The following PGLYRP3 variants were observed in gnomAD, a reference collection of about 807,000 sequenced individuals.
The protein encoded by PGLYRP3 is peptidoglycan recognition protein 3, also known as peptidoglycan recognition protein I alpha.
Under a neutral mutation model 36.0 loss-of-function variants are expected in PGLYRP3, and 39 were observed. The ratio of observed to expected loss-of-function variants is 1.08; its 90% confidence interval spans 0.84 to 1.41. The LOEUF (loss-of-function observed/expected upper bound fraction) is 1.41, where lower values mean the gene tolerates loss of function less well. Ranked by LOEUF, PGLYRP3 falls within the 40% of genes most tolerant of loss-of-function variation. The probability of loss-of-function intolerance (pLI) is 0.00; values close to 1 mark genes in which losing one functional copy is unlikely to be tolerated. For missense variants in PGLYRP3, 407 were observed against 427.9 expected, an observed-to-expected ratio of 0.95 and a Z score of 0.43; for synonymous variants, 204 against 172.8, an observed-to-expected ratio of 1.18 and a Z score of -1.42.
chr1:153,311,186 A>G (rs1659889979), intron 1 of PGLYRP3, among the ~76,000 whole-genome samples: 1 of 152,114 alleles, frequency 6.6e-6, no homozygotes, highest in South Asian at 2.1e-4. Flanking sequence ...CCAGGTATGT[A>G]AAGTCATTCA....
chr1:153,310,721 A>G lies in PGLYRP3; in HGVS notation c.-41-15T>C. ...GGACGGCAGCCCTGGAAGAGAGGCT[A>G]ACAGTTAACACAACCATGCTAACTC... On this transcript the variant is annotated splice_polypyrimidine_tract_variant and intron_variant, in intron 1 of 7. Coordinates refer to ENST00000683862, the MANE Select transcript of PGLYRP3 (RefSeq NM_052891.3). 6.8e-7 allele frequency: 1 copy of G among 1,480,830 alleles called. No individual in the cohort carries two copies. Among genetic ancestry groups the G allele is most frequent in the South Asian group, 1.1e-5 (1 of 88,092 alleles). 91.7% of individuals were successfully genotyped at this position (1,480,830 alleles called of 1,614,324 possible).
rs758332518 is a variant in PGLYRP3 at position 153,307,077 on chromosome 1, G to A, written c.246C>T (p.Asp82=). The A allele has an allele frequency of 1.4e-5, 22 of 1,613,518 alleles. No homozygotes were observed. In the South Asian group the frequency reaches 2.1e-4, roughly 15 times the overall value. The part of the protein sequence containing the change: ...SHSVYTIGWC[D]VAYNFLVGDD... The stretch of plus-strand genomic sequence containing the variant: ...GGCTAGCCTCTTACTTGTACGCCAC[G>A]TCGCACCAGCCTATGGTGTAGACGG... Residue 82 remains aspartate, a synonymous_variant, in exon 3 of 8, where the codon GAC becomes GAT. Coordinates refer to ENST00000683862, the MANE Select transcript of PGLYRP3 (RefSeq NM_052891.3).
intron 7 of PGLYRP3, 88 bp downstream of exon 7, chr1:153,299,025 A>T: frequency 9.4e-7 from 1 of 1,065,890 alleles, no homozygotes; most frequent in Non-Finnish European, 1.5e-6. Flanking sequence ...GCCAGGCACT[A>T]CAGGGCTGCC....
rs768337483 is a variant in PGLYRP3 at position 153,298,028 on chromosome 1, G to A, written c.954C>T (p.Asp318=). 39 of 1,613,948 alleles carry A rather than the reference G, an allele frequency of 2.4e-5. No individual in the cohort carries two copies. Among genetic ancestry groups the A allele is most frequent in the Middle Eastern group, 3.3e-4 (2 of 6,084 alleles). Residue 318 remains aspartate (D), a synonymous_variant, in exon 8 of 8, where the codon GAC becomes GAT. Coordinates refer to ENST00000683862, the MANE Select transcript of PGLYRP3 (RefSeq NM_052891.3). ...GCCCAGGGGACAGGATGTTGACCAC[G>A]TCACTGTGGCCCATCAGCAGGTAGT... ...TPNYLLMGHS[D]VVNILSPGQA...
intron 6 of PGLYRP3, among the ~76,000 whole-genome samples, chr1:153,301,210 C>A (rs73014412): frequency 6.6e-6 from 1 of 152,172 alleles, no homozygotes; most frequent in Non-Finnish European, 1.5e-5. Flanking sequence ...CATGAGCCAC[C>A]GTGCCTGGCC....
Position 153,297,561 on chromosome 1 carries a change from AAAAGAAAG to A in PGLYRP3, c.*387_*394del, listed in dbSNP as rs1553193739. Among the ~76,000 whole-genome samples the A allele has an allele frequency of 1.3e-5, 1 of 79,376 alleles. No homozygotes were observed. The highest frequency in any genetic ancestry group is 2.9e-4 in the East Asian group (1 of 3,438). 52.1% of individuals were successfully genotyped at this position (79,376 alleles called of 152,430 possible). A position where few individuals can be genotyped will look rare whatever the true frequency, so the allele number is the denominator to read the frequency against. ...AAGGAAGGAAGGAAGGAAAGAAAGA[AAAAGAAAG>A]AAAGAAAGAAAGAAGAAAGAAAGAA... is the stretch of plus-strand genomic sequence containing the variant. On this transcript the variant is annotated 3_prime_UTR_variant, in exon 8 of 8. Transcript: ENST00000683862.
At position 153,307,241 on chromosome 1, in the gene PGLYRP3, C is replaced by A. The variant is rs747241529; in HGVS notation, c.82G>T (p.Glu28Ter). ...WDTPTIVSRK[E>*]WGARPLACRA... ...CAGGCGAGCGGTCTTGCCCCCCACT[C>A]CTTGCGGGAGACGATGGTGGGAGTA... The change falls in exon 3 of 8, where the codon GAG becomes TAG. Residue 28 changes from glutamate to a stop codon, truncating the protein, a stop_gained. Transcript: ENST00000683862. LOFTEE classifies it high-confidence loss of function. 1.2e-6 allele frequency: 2 copies of A among 1,607,900 alleles called. No homozygotes were observed. Among genetic ancestry groups the A allele is most frequent in the South Asian group, 2.2e-5 (2 of 89,762 alleles).
intron 7 of PGLYRP3, 110 bp from the exon 8 acceptor site, chr1:153,298,244 C>T (rs1022489980): frequency 1.5e-4 from 177 of 1,191,430 alleles, no homozygotes; most frequent in Middle Eastern, 8.1e-4. Flanking sequence ...CGCCCCATTC[C>T]GCCATCACCA....
At position 153,307,118 on chromosome 1, in the gene PGLYRP3, C is replaced by T. The variant is rs145817152; in HGVS notation, c.205G>A (p.Gly69Arg). The T allele has an allele frequency of 8.7e-6, 14 of 1,613,612 alleles. No individual in the cohort carries two copies. In the East Asian group the frequency reaches 2.7e-4, roughly 31 times the overall value. Reference sequence around the variant, plus strand: ...GTGTAGACGGAATGGGACTGCAACCCCCGCAGCATCTGGCTGCAAACGCTC... The same window carrying T: ...GTGTAGACGGAATGGGACTGCAACCTCCGCAGCATCTGGCTGCAAACGCTC... ...QQSVCSQMLR[G>R]LQSHSVYTIG... is the part of the protein sequence containing the mutation. The change falls in exon 3 of 8, where the codon GGG (glycine) becomes AGG (arginine). Residue 69 changes from glycine (G) to arginine (R), a missense_variant. Physicochemically the swap from Gly to Arg is moderately radical, Grantham distance 125. Transcript: ENST00000683862.
chr1:153,307,345 TCTC>T, intron 2 of PGLYRP3, 78 bp from the exon 3 acceptor site: 1 of 1,417,432 alleles, frequency 7.1e-7, no homozygotes, highest in Non-Finnish European at 9.7e-7. Context: ...TGCCCTGACC[TCTC>T]ATGCTCAGGC....
intron 1 of PGLYRP3, among the ~76,000 whole-genome samples, chr1:153,311,022 G>A (rs536219868): frequency 6.6e-6 from 1 of 152,168 alleles, no homozygotes; most frequent in South Asian, 2.1e-4. Flanking sequence ...CCTCAAGGTA[G>A]CTGTTATGAA....
At chr1:153,311,805 T>C (rs1426564717) in intron 1 of PGLYRP3, among the ~76,000 whole-genome samples, 1 of 152,204 alleles carries the variant, frequency 6.6e-6, no homozygotes, top group East Asian at 1.9e-4. Context: ...AAACCATGTC[T>C]TAAGAGTAGA....
intron 2 of PGLYRP3, 151 bp from the exon 3 acceptor site, chr1:153,307,418 C>A: frequency 1.4e-6 from 1 of 706,186 alleles, no homozygotes; most frequent in Non-Finnish European, 2.4e-6. Flanking sequence ...AAAGCCCCCT[C>A]CTTCTCTCCA....
rs1659626605 is a variant in PGLYRP3, at chr1:153,302,601, G to A, written c.536C>T (p.Pro179Leu). ...CCAAGCAGATCGTTTGATGATGTTG[G>A]GGCAAACTGTGGTAAAATGAAAAGC... ...QHPVMPRKVC[P>L]NIIKRSAWEA... Residue 179 changes from proline (P) to leucine (L), a missense_variant, in exon 6 of 8, where the codon CCC becomes CTC. By Grantham distance (98) the Pro-to-Leu change is moderately conservative (BLOSUM62 -3). Transcript: ENST00000683862. 12 of 1,614,028 alleles carry A rather than the reference G, an allele frequency of 7.4e-6. No homozygotes were observed. The highest frequency in any genetic ancestry group is 1.0e-5 in the Non-Finnish European group (12 of 1,180,024).
Position 153,310,559 on chromosome 1 carries a change from G to A in PGLYRP3, c.55+52C>T, listed in dbSNP as rs752392126. 2.0e-5 allele frequency: 32 copies of A among 1,561,948 alleles called. 1 individual carries two copies. Among genetic ancestry groups the A allele is most frequent in the Admixed American group, 2.0e-4 (12 of 59,798 alleles). On this transcript the variant is annotated intron_variant, in intron 2 of 7. Transcript: ENST00000683862. ...GGTTTCTATTATTAAACTTGAGAAC[G>A]GTCTTCTCTTGCTCATCAAAAGCAC...
intron 1 of PGLYRP3, among the ~76,000 whole-genome samples, chr1:153,312,364 T>A (rs985744347): frequency 6.6e-6 from 1 of 152,054 alleles, no homozygotes; most frequent in Non-Finnish European, 1.5e-5. Context: ...AGATAAGAAT[T>A]TAGGGCTCTA....
chr1:153,299,484 C>A (rs370780467), intron 6 of PGLYRP3, among the ~76,000 whole-genome samples: 4 of 152,322 alleles, frequency 2.6e-5, no homozygotes, highest in African/African-American at 9.6e-5. Flanking sequence ...GGCTTCCTGG[C>A]ACTAAGTACA....
rs1407749186 is a variant in PGLYRP3 at position 153,307,082 on chromosome 1, A to G, written c.241T>C (p.Cys81Arg). The G allele has an allele frequency of 8.1e-6, 13 of 1,613,248 alleles. No individual in the cohort carries two copies. Among genetic ancestry groups the G allele is most frequent in the African/African-American group, 2.7e-5 (2 of 74,888 alleles). ...QSHSVYTIGWCDVAYNFLVGD... is the reference protein window; with the variant it reads ...QSHSVYTIGWRDVAYNFLVGD... The stretch of plus-strand genomic sequence containing the variant: ...GCCTCTTACTTGTACGCCACGTCGC[A>G]CCAGCCTATGGTGTAGACGGAATGG... The change falls in exon 3 of 8, where the codon TGC becomes CGC. Residue 81 changes from cysteine to arginine, a missense_variant. Transcript: ENST00000683862.
intron 7 of PGLYRP3, among the ~76,000 whole-genome samples, chr1:153,298,828 C>T (rs758446685): frequency 2.6e-5 from 4 of 152,162 alleles, no homozygotes; most frequent in South Asian, 4.2e-4. Flanking sequence ...GCCAACTGAG[C>T]GATAAAAGCA....
Sources: allele counts gnomAD v4.1 joint callset (sites outside exome capture counted in the v4.1 genomes callset), GRCh38; gene constraint gnomAD v4.1.1; transcripts MANE v1.5; gene names NCBI Gene and HGNC (gene_info 2026-07-23, HGNC 2026-07-21).